The following RALYL variants were observed in gnomAD, a reference collection of about 807,000 sequenced individuals.
The protein encoded by RALYL is RNA-binding Raly-like protein.
RALYL carries 29 observed loss-of-function variants against 35.1 expected under a neutral mutation model. The ratio of observed to expected loss-of-function variants is 0.83; its 90% CI spans 0.61 to 1.13. The LOEUF (loss-of-function observed/expected upper bound fraction) is 1.13, where lower values mean the gene tolerates loss of function less well. Ranked by LOEUF, RALYL falls within the 50% of genes most tolerant of loss-of-function variation. The pLI, the probability that RALYL is intolerant of heterozygous loss-of-function variation, is 0.00. For missense variants in RALYL, 359 were observed against 360.4 expected (o/e 1.00, Z 0.03); for synonymous variants, 120 against 127.6 (o/e 0.94, Z 0.40).
intron 1 of RALYL, among the ~76,000 whole-genome samples, chr8:84,187,999 G>A (rs907973238): frequency 4.6e-5 from 7 of 152,100 alleles, no homozygotes; most frequent in African/African-American, 1.7e-4. Flanking sequence ...GGGTATGTAA[G>A]ATTGTTTGAA....
chr8:84,325,001 T>G (rs113726787), intron 1 of RALYL, among the ~76,000 whole-genome samples: 4,122 of 152,268 alleles, frequency 0.027, 101 homozygotes, highest in Non-Finnish European at 0.031. Context: ...TGTGTATATA[T>G]ACTTCATCCA....
chr8:84,536,724 AAAG>A (rs1387723988), intron 2 of RALYL, among the ~76,000 whole-genome samples: 4 of 152,204 alleles, frequency 2.6e-5, no homozygotes, highest in Non-Finnish European at 1.5e-5. Context: ...GACTGAGAAA[AAAG>A]AAGATAATTT....
At chr8:84,657,415 T>TA (rs1288905647) in intron 2 of RALYL, among the ~76,000 whole-genome samples, 2 of 152,198 alleles carry the variant, frequency 1.3e-5, no homozygotes, top group African/African-American at 4.8e-5. Context: ...ATCCAAGTCT[T>TA]ACTCTCAACC....
rs79968537 is a variant in RALYL at position 84,197,773 on chromosome 8, GA to G, written c.-24+13362del. ...GCGAGACCCCATTCTCCAGAAAAAG[GA>G]AAAAAAAAAAAAGACAAAAAAAATA... is the stretch of plus-strand genomic sequence containing the variant. On this transcript the variant is annotated intron_variant, in intron 1 of 8. Coordinates refer to ENST00000521268, the MANE Select transcript of RALYL (RefSeq NM_173848.7). Among the ~76,000 whole-genome samples, 1,258 of 128,194 alleles carry G rather than the reference GA, an allele frequency of 9.8e-3. 8 individuals carry two copies. The highest frequency in any genetic ancestry group is 0.015 in the African/African-American group (531 of 35,552). The allele number at this position is 128,194 out of a possible 152,430, so 84.1% of individuals were successfully genotyped here.
intron 5 of RALYL, among the ~76,000 whole-genome samples, chr8:84,856,222 A>G (rs1836949934): frequency 6.6e-6 from 1 of 152,218 alleles, no homozygotes. Flanking sequence ...AGCTTGGATA[A>G]GTCATCTCTT....
intron 1 of RALYL, among the ~76,000 whole-genome samples, chr8:84,209,153 A>G (rs1818816386): frequency 1.3e-5 from 2 of 151,584 alleles, no homozygotes; most frequent in African/African-American, 4.8e-5. Flanking sequence ...AAGAAAAGAA[A>G]AGAAAAACTA....
At chr8:84,535,173 A>G (rs1382983516) in intron 2 of RALYL, among the ~76,000 whole-genome samples, 1 of 152,174 alleles carries the variant, frequency 6.6e-6, no homozygotes, top group Non-Finnish European at 1.5e-5. Context: ...ATTTACGCCC[A>G]TTCTGCTGGT....
intron 4 of RALYL, among the ~76,000 whole-genome samples, chr8:84,844,179 G>A (rs544753906): frequency 6.8e-4 from 103 of 152,168 alleles, no homozygotes; most frequent in Non-Finnish European, 1.4e-3. Flanking sequence ...GAGTGAACAG[G>A]CAACCTACAG....
chr8:84,790,066 C>T (rs1485969642), intron 3 of RALYL, among the ~76,000 whole-genome samples: 1 of 152,082 alleles, frequency 6.6e-6, no homozygotes, highest in Admixed American at 6.5e-5. Context: ...TATAGACAGG[C>T]AGTTAGTAGT....
At chr8:84,466,764 A>G (rs942977925) in intron 1 of RALYL, among the ~76,000 whole-genome samples, 1 of 134,490 alleles carries the variant, frequency 7.4e-6, no homozygotes, top group African/African-American at 2.6e-5. Flanking sequence ...CTGTGAATCC[A>G]TCTGGTCCTG....
At chr8:84,545,008 T>C (rs1420354269) in intron 2 of RALYL, among the ~76,000 whole-genome samples, 1 of 152,074 alleles carries the variant, frequency 6.6e-6, no homozygotes, top group Non-Finnish European at 1.5e-5. Flanking sequence ...TTGAATCATA[T>C]TTCTGAAAAA....
chr8:84,342,010 C>T (rs997140434), intron 1 of RALYL, among the ~76,000 whole-genome samples: 36 of 151,178 alleles, frequency 2.4e-4, no homozygotes, highest in Non-Finnish European at 5.9e-5. Flanking sequence ...AGATTAGATG[C>T]ATTATTATCA....
intron 2 of RALYL, among the ~76,000 whole-genome samples, chr8:84,612,289 A>G (rs544733530): frequency 1.3e-5 from 2 of 152,128 alleles, no homozygotes; most frequent in East Asian, 3.9e-4. Flanking sequence ...GGTTGTCTGT[A>G]TATTACCCAA....
intron 2 of RALYL, among the ~76,000 whole-genome samples, chr8:84,705,378 A>C (rs185833840): frequency 6.6e-6 from 1 of 152,298 alleles, no homozygotes; most frequent in East Asian, 1.9e-4. Context: ...GTAGGCACTC[A>C]ACAAGCCTGA....
chr8:84,235,628 G>A (rs940956750), intron 1 of RALYL, among the ~76,000 whole-genome samples: 6 of 152,134 alleles, frequency 3.9e-5, no homozygotes, highest in South Asian at 2.1e-4. Flanking sequence ...CCTTAGCAGA[G>A]ATGCTAAAAC....
chr8:84,867,770 C>T (rs532723752), intron 6 of RALYL, among the ~76,000 whole-genome samples: 51 of 152,192 alleles, frequency 3.4e-4, no homozygotes, highest in African/African-American at 1.2e-3. Flanking sequence ...TTTTTCTTTG[C>T]CCACATAGCT....
chr8:84,357,209 C>T (rs1852009250), intron 1 of RALYL, among the ~76,000 whole-genome samples: 1 of 151,942 alleles, frequency 6.6e-6, no homozygotes, highest in Non-Finnish European at 1.5e-5. Flanking sequence ...CTAACAAATG[C>T]CAGTAATATC....
At chr8:84,753,576 T>C (rs1414471609) in intron 2 of RALYL, among the ~76,000 whole-genome samples, 1 of 152,128 alleles carries the variant, frequency 6.6e-6, no homozygotes, top group African/African-American at 2.4e-5. Context: ...GCCTGGATCA[T>C]GGGGATGGCA....
intron 1 of RALYL, among the ~76,000 whole-genome samples, chr8:84,460,930 T>A (rs1409648265): frequency 6.6e-6 from 1 of 151,574 alleles, no homozygotes; most frequent in Admixed American, 6.6e-5. Flanking sequence ...AATATACCTA[T>A]AACACTGACA....
Sources: gnomAD v4.1 joint callset for allele counts (sites outside exome capture counted in the v4.1 genomes callset) on GRCh38, gnomAD v4.1.1 for gene constraint, MANE v1.5 for transcripts, NCBI Gene and HGNC (gene_info 2026-07-23, HGNC 2026-07-21) for gene names.